The following GUCY2C variants were observed in gnomAD, a reference collection of about 807,000 sequenced individuals.
The protein encoded by GUCY2C is guanylyl cyclase C.
GUCY2C carries 118 observed loss-of-function variants against 131.1 expected under a neutral mutation model. The observed-to-expected ratio is 0.90, with a 90% CI of 0.78 to 1.05. The LOEUF (loss-of-function observed/expected upper bound fraction) is 1.05. GUCY2C is among the 50% of genes least tolerant of loss of function. The pLI is 0.00. For missense variants in GUCY2C, 1,161 were observed against 1,304.4 expected, an observed-to-expected ratio of 0.89 and a Z score of 1.69; for synonymous variants, 452 against 457.8, an observed-to-expected ratio of 0.99 and a Z score of 0.16.
Position 14,645,235 on chromosome 12 carries a change from A to G in GUCY2C, c.1791T>C (p.Ile597=). 1 of 1,510,736 alleles carries G rather than the reference A, an allele frequency of 6.6e-7. No homozygotes were observed. 93.6% of individuals were successfully genotyped at this position (1,510,736 alleles called of 1,614,324 possible). The part of the protein sequence containing the change: ...WEFKISVLYD[I]AKGMSYLHSS... Reference sequence around the variant, plus strand: ...GTGTGTGTGTTTCTCTTACCTTAGCAATGTCATACAAGACAGAGATCTTAA... The same window carrying G: ...GTGTGTGTGTTTCTCTTACCTTAGCGATGTCATACAAGACAGAGATCTTAA... Residue 597 remains isoleucine (I), a synonymous_variant, in exon 16 of 27, where the codon ATT becomes ATC. Transcript: ENST00000261170.
intron 1 of GUCY2C, among the ~76,000 whole-genome samples, chr12:14,694,527 A>G (rs1948624350): frequency 6.6e-6 from 1 of 152,188 alleles, no homozygotes; most frequent in Non-Finnish European, 1.5e-5. Context: ...AGAGAGAGAA[A>G]ACTTTGGGGC....
intron 1 of GUCY2C, among the ~76,000 whole-genome samples, chr12:14,690,456 C>T (rs1388080766): frequency 2.0e-5 from 3 of 152,186 alleles, no homozygotes; most frequent in Non-Finnish European, 4.4e-5. Flanking sequence ...AACCATTTGA[C>T]CACAATCTAT....
intron 2 of GUCY2C, among the ~76,000 whole-genome samples, chr12:14,686,968 A>C (rs1240825953): frequency 1.3e-5 from 2 of 152,100 alleles, no homozygotes; most frequent in Non-Finnish European, 2.9e-5. Flanking sequence ...CTGCTAAGAC[A>C]GCCTTTTCTT....
At position 14,614,849 on chromosome 12, in the gene GUCY2C, C is replaced by T. The variant is rs1238445999; in HGVS notation, c.3047+18G>A. On this transcript the variant is annotated intron_variant, in intron 26 of 26. Coordinates refer to ENST00000261170, the MANE Select transcript of GUCY2C (RefSeq NM_004963.4). ...ATCTCTAATTTCCTCCCTGTCCCTG[C>T]CACACCCAGAAGCTTACACAGTAGG... 3.1e-5 allele frequency: 47 copies of T among 1,521,964 alleles called. No homozygotes were observed. Among genetic ancestry groups the T allele is most frequent in the Non-Finnish European group, 4.1e-5 (46 of 1,120,180 alleles). 94.3% of individuals were successfully genotyped at this position (1,521,964 alleles called of 1,614,324 possible).
intron 10 of GUCY2C, among the ~76,000 whole-genome samples, chr12:14,666,728 A>G (rs1431830099): frequency 1.6e-5 from 1 of 60,832 alleles, no homozygotes; most frequent in Non-Finnish European, 3.5e-5. Context: ...CAGCCAGACA[A>G]TGTCTCCAAA....
At chr12:14,678,907 A>G (rs1046512453) in intron 6 of GUCY2C, among the ~76,000 whole-genome samples, 2 of 152,144 alleles carry the variant, frequency 1.3e-5, no homozygotes, top group Non-Finnish European at 2.9e-5. Flanking sequence ...AAAAGATGGG[A>G]TGTGAACAAA....
At chr12:14,649,994 C>T (rs1019881756) in intron 15 of GUCY2C, among the ~76,000 whole-genome samples, 1 of 152,102 alleles carries the variant, frequency 6.6e-6, no homozygotes, top group African/African-American at 2.4e-5. Context: ...AGTATTCTTT[C>T]ACAATTAAAA....
At position 14,679,734 on chromosome 12, in the gene GUCY2C, A is replaced by G; in HGVS notation, c.753T>C (p.Gly251=). 2 of 1,576,080 alleles carry G rather than the reference A, an allele frequency of 1.3e-6. 1 individual carries two copies. Among genetic ancestry groups the G allele is most frequent in the South Asian group, 2.2e-5 (2 of 90,324 alleles). Residue 251 remains glycine (G), a synonymous_variant, in exon 6 of 27, where the codon GGT becomes GGC. Coordinates refer to ENST00000261170, the MANE Select transcript of GUCY2C (RefSeq NM_004963.4). ...RKSNVIIMCG[G]PEFLYKLKGD... ...CCTTCAGCTTGTAGAGGAACTCTGGACCACCACACATAATAATCACTGGAG... is the reference window on the plus strand; with the variant it reads ...CCTTCAGCTTGTAGAGGAACTCTGGGCCACCACACATAATAATCACTGGAG...
intron 9 of GUCY2C, among the ~76,000 whole-genome samples, chr12:14,671,407 G>A (rs955817489): frequency 6.6e-6 from 1 of 152,026 alleles, no homozygotes; most frequent in African/African-American, 2.4e-5. Flanking sequence ...AAAAGTGCTG[G>A]GAATACAGGG....
At chr12:14,682,954 G>T in intron 4 of GUCY2C, 88 bp downstream of exon 4, 2 of 803,600 alleles carry the variant, frequency 2.5e-6, no homozygotes, top group Non-Finnish European at 2.1e-6. Flanking sequence ...CCAGTGGAAG[G>T]TGCATCTGGT....
At chr12:14,618,079 T>G (rs1467062020) in intron 24 of GUCY2C, among the ~76,000 whole-genome samples, 2 of 152,362 alleles carry the variant, frequency 1.3e-5, no homozygotes, top group East Asian at 3.9e-4. Flanking sequence ...CTCTTCTATA[T>G]ATTTCTACTG....
At chr12:14,691,006 G>T (rs1315598235) in intron 1 of GUCY2C, among the ~76,000 whole-genome samples, 1 of 152,164 alleles carries the variant, frequency 6.6e-6, no homozygotes. Flanking sequence ...TGTAAAATGG[G>T]ATAATTTTTA....
chr12:14,627,375 C>T lies in GUCY2C; in HGVS notation c.2249+1271G>A, dbSNP rs145265857. Among the ~76,000 whole-genome samples, 92 of 152,212 alleles carry T rather than the reference C, an allele frequency of 6.0e-4. 2 individuals are homozygous for T. The highest frequency in any genetic ancestry group is 2.2e-3 in the African/African-American group (91 of 41,546). On this transcript the variant is annotated intron_variant, in intron 20 of 26. Coordinates refer to ENST00000261170, the MANE Select transcript of GUCY2C (RefSeq NM_004963.4). ...GGAATGAAGAAACAGAATTGTTTAA[C>T]AAGTTCCCCAGGGAATTTTTACTTG... is the stretch of plus-strand genomic sequence containing the variant.
At chr12:14,678,682 G>A (rs968052961) in intron 6 of GUCY2C, among the ~76,000 whole-genome samples, 1 of 152,158 alleles carries the variant, frequency 6.6e-6, no homozygotes, top group Non-Finnish European at 1.5e-5. Flanking sequence ...GGCAAATATG[G>A]GAAAGATCTA....
intron 1 of GUCY2C, among the ~76,000 whole-genome samples, chr12:14,695,048 T>C (rs983951276): frequency 2.0e-5 from 3 of 152,210 alleles, no homozygotes; most frequent in African/African-American, 7.2e-5. Flanking sequence ...GATATTATAA[T>C]ATCTGGCGGA....
chr12:14,641,243 A>G (rs751567201), intron 17 of GUCY2C, 24 bp from the exon 18 acceptor site: 1 of 1,611,456 alleles, frequency 6.2e-7, no homozygotes, highest in South Asian at 1.1e-5. Flanking sequence ...CATTGAGATT[A>G]CAAAGTTGAG....
chr12:14,633,744 T>C (rs553800855), intron 19 of GUCY2C, among the ~76,000 whole-genome samples: 1 of 151,946 alleles, frequency 6.6e-6, no homozygotes, highest in East Asian at 1.9e-4. Context: ...ACTCTGGAAC[T>C]GAAGAAGTCA....
At chr12:14,619,153 T>G (rs1282218060) in intron 24 of GUCY2C, 58 bp downstream of exon 24, 1 of 938,676 alleles carries the variant, frequency 1.1e-6, no homozygotes, top group African/African-American at 1.6e-5. Context: ...ATCTCACAGT[T>G]GCCCTCTGCT....
chr12:14,650,271 C>T (rs976238722), intron 15 of GUCY2C, among the ~76,000 whole-genome samples: 4 of 152,062 alleles, frequency 2.6e-5, no homozygotes, highest in Non-Finnish European at 4.4e-5. Flanking sequence ...ATTTTTGAGA[C>T]GGAGTCTCGC....
Sources: allele counts gnomAD v4.1 joint callset (sites outside exome capture counted in the v4.1 genomes callset), GRCh38; gene constraint gnomAD v4.1.1; transcripts MANE v1.5; gene names NCBI Gene and HGNC (gene_info 2026-07-23, HGNC 2026-07-21).